Variants in PTPRN2 observed in about 807,000 individuals in gnomAD.
PTPRN2 encodes receptor-type tyrosine-protein phosphatase N2.
In PTPRN2, 74 loss-of-function variants were observed where a neutral mutation model predicts 118.8. The observed-to-expected ratio is 0.62, with a 90% CI of 0.52 to 0.76. PTPRN2 has a LOEUF of 0.76. Among genes scored for constraint, PTPRN2 ranks in the 30% least tolerant of loss-of-function variants. The pLI is 0.00. For synonymous variants in PTPRN2, 641 were observed against 608.0 expected, an observed-to-expected ratio of 1.05 and a Z score of -0.80; for missense variants, 1,481 against 1,394.4, an observed-to-expected ratio of 1.06 and a Z score of -0.99.
chr7:157,984,254 C>T (rs1189985095), intron 11 of PTPRN2, among the ~76,000 whole-genome samples: 1 of 64,686 alleles, frequency 1.5e-5, no homozygotes, highest in African/African-American at 5.4e-5. Context: ...TCCACCTCCC[C>T]ACGCCAGGCT....
In PTPRN2 at chr7:158,146,872, G is replaced by A. The variant is rs115140812; in HGVS notation, c.911-8357C>T. 9.0e-3 allele frequency among the ~76,000 whole-genome samples: 1,367 copies of A among 151,678 alleles called. 149 individuals carry two copies. The highest frequency in any genetic ancestry group is 0.032 in the African/African-American group (1,298 of 41,022). On this transcript the variant is annotated intron_variant, in intron 6 of 22. Coordinates refer to ENST00000389418, the MANE Select transcript of PTPRN2 (RefSeq NM_002847.5). ...GACCAATGGATAGAACAAGCAAACA[G>A]TTTACAGGGAAAATACACCATTAAG...
At chr7:158,541,831 C>T (rs1216245664) in intron 1 of PTPRN2, 2 of 736,544 alleles carry the variant, frequency 2.7e-6, no homozygotes, top group Admixed American at 6.3e-5. Context: ...GACTGCAGAG[C>T]ACCACGCATG....
At chr7:157,645,758 C>T (rs962305025) in intron 14 of PTPRN2, among the ~76,000 whole-genome samples, 2 of 152,164 alleles carry the variant, frequency 1.3e-5, no homozygotes, top group Admixed American at 6.5e-5. Context: ...GGGGGCTGGG[C>T]CCCAGAGTCC....
chr7:158,523,758 AGTC>A (rs1824490604), intron 1 of PTPRN2, among the ~76,000 whole-genome samples: 1 of 92,090 alleles, frequency 1.1e-5, no homozygotes, highest in African/African-American at 4.8e-5. Flanking sequence ...CCTGGAGTGG[AGTC>A]GTCTACCCTG....
intron 1 of PTPRN2, among the ~76,000 whole-genome samples, chr7:158,559,677 C>CT (rs1827255079): frequency 6.6e-6 from 1 of 152,122 alleles, no homozygotes; most frequent in Admixed American, 6.5e-5. Flanking sequence ...TGGCCCCTTC[C>CT]CTGCCACTCC....
At chr7:158,151,035 G>C (rs1195732404) in intron 6 of PTPRN2, among the ~76,000 whole-genome samples, 1 of 143,708 alleles carries the variant, frequency 7.0e-6, no homozygotes, top group Non-Finnish European at 1.5e-5. Flanking sequence ...CCCTGTCACT[G>C]TCCTGCCCCT....
intron 11 of PTPRN2, among the ~76,000 whole-genome samples, chr7:158,070,711 G>C (rs1195819339): frequency 7.6e-6 from 1 of 130,748 alleles, no homozygotes; most frequent in South Asian, 2.7e-4. Flanking sequence ...TGGTGGCGGA[G>C]GTGCCTGTGG....
chr7:158,149,892 C>G (rs776365288), intron 6 of PTPRN2, among the ~76,000 whole-genome samples: 24 of 149,926 alleles, frequency 1.6e-4, no homozygotes, highest in African/African-American at 5.9e-4. Context: ...TTATGCTGAA[C>G]AAAAAGTGGC....
chr7:158,357,426 T>C (rs1257947578), intron 2 of PTPRN2, among the ~76,000 whole-genome samples: 1 of 152,168 alleles, frequency 6.6e-6, no homozygotes, highest in African/African-American at 2.4e-5. Context: ...CAGACACAAA[T>C]GGTGGCTTCC....
intron 12 of PTPRN2, among the ~76,000 whole-genome samples, chr7:157,731,786 T>C (rs368163985): frequency 4.8e-4 from 43 of 89,758 alleles, no homozygotes; most frequent in African/African-American, 1.5e-3. Flanking sequence ...TTCCACCCCA[T>C]GCGCCCAGCA....
chr7:158,263,902 C>A (rs761977041), intron 3 of PTPRN2, among the ~76,000 whole-genome samples: 6 of 152,206 alleles, frequency 3.9e-5, no homozygotes, highest in African/African-American at 7.2e-5. Context: ...CTGCACCCAG[C>A]GGAGGTGGCT....
chr7:158,139,341 T>G (rs959536309), intron 6 of PTPRN2, among the ~76,000 whole-genome samples: 1 of 152,176 alleles, frequency 6.6e-6, no homozygotes, highest in South Asian at 2.1e-4. Flanking sequence ...TTAAAATTTA[T>G]GTCCATTACG....
intron 12 of PTPRN2, among the ~76,000 whole-genome samples, chr7:157,749,871 GTGT>G (rs2150984923): frequency 2.0e-5 from 3 of 146,692 alleles, no homozygotes; most frequent in Admixed American, 7.0e-5. Flanking sequence ...TCTGAGGCCT[GTGT>G]CCCTGCGCTG....
intron 21 of PTPRN2, among the ~76,000 whole-genome samples, chr7:157,551,564 A>T (rs1250721135): frequency 1.2e-5 from 1 of 81,438 alleles, no homozygotes; most frequent in Non-Finnish European, 2.4e-5. Flanking sequence ...CACCCCACGC[A>T]CCCCACAGCC....
In PTPRN2 at chr7:158,546,698, A is replaced by G. The variant is rs1369403673; in HGVS notation, c.112+40860T>C. Reference sequence around the variant, plus strand: ...CTGAGGGTCTTAGGCAGAGCTGGCCATGCTTGCCTTGGTGAAGACCCCAGC... The same window carrying G: ...CTGAGGGTCTTAGGCAGAGCTGGCCGTGCTTGCCTTGGTGAAGACCCCAGC... On this transcript the variant is annotated intron_variant, in intron 1 of 22. Coordinates refer to ENST00000389418, the MANE Select transcript of PTPRN2 (RefSeq NM_002847.5). This position sits in a 1 kb window ranked among gnomAD's most constrained non-coding sequence, Gnocchi z 5.0. Among the ~76,000 whole-genome samples the G allele has an allele frequency of 1.3e-5, 2 of 152,186 alleles. No homozygotes were observed. Among genetic ancestry groups the G allele is most frequent in the African/African-American group, 4.8e-5 (2 of 41,442 alleles).
chr7:158,571,503 AAAAAAAAAC>A (rs1257761970), intron 1 of PTPRN2, among the ~76,000 whole-genome samples: 29 of 140,292 alleles, frequency 2.1e-4, no homozygotes, highest in African/African-American at 5.3e-4. Flanking sequence ...AAAAAAAAAC[AAAAAAAAAC>A]ACACACCTAT....
At chr7:157,706,433 TG>T (rs1483342860) in intron 12 of PTPRN2, among the ~76,000 whole-genome samples, 1 of 151,006 alleles carries the variant, frequency 6.6e-6, no homozygotes, top group African/African-American at 2.4e-5. Context: ...CAGATCAATG[TG>T]GACCACATCC....
At chr7:157,549,237 C>A (rs548398197) in intron 21 of PTPRN2, among the ~76,000 whole-genome samples, 1 of 151,958 alleles carries the variant, frequency 6.6e-6, no homozygotes, top group East Asian at 1.9e-4. Context: ...GAAAGCTGGG[C>A]TGAAAAATTG....
At chr7:157,804,894 G>A (rs574667241) in intron 12 of PTPRN2, among the ~76,000 whole-genome samples, 131 of 152,344 alleles carry the variant, frequency 8.6e-4, no homozygotes, top group South Asian at 4.6e-3. Flanking sequence ...TATCCACTGT[G>A]TGTGGAGCCT....
Sources: allele counts gnomAD v4.1 joint callset (sites outside exome capture counted in the v4.1 genomes callset), GRCh38; gene constraint gnomAD v4.1.1; non-coding constraint Gnocchi (gnomAD v3.1); transcripts MANE v1.5; gene names NCBI Gene and HGNC (gene_info 2026-07-23, HGNC 2026-07-21).